The following MAGI2 variants were observed in gnomAD, a reference collection of about 807,000 sequenced individuals.
MAGI2 encodes membrane-associated guanylate kinase, WW and PDZ domain-containing protein 2.
Under a neutral mutation model 133.3 loss-of-function variants are expected in MAGI2, and 35 were observed. That is an observed-to-expected ratio of 0.26 (90% CI 0.20 to 0.35). The LOEUF (loss-of-function observed/expected upper bound fraction) is 0.35, where lower values mean the gene tolerates loss of function less well. Among genes scored for constraint, MAGI2 ranks in the 10% least tolerant of loss-of-function variants. The pLI, the probability that MAGI2 is intolerant of heterozygous loss-of-function variation, is 1.00. For synonymous variants in MAGI2, 729 were observed against 710.6 expected (o/e 1.03, Z -0.41); for missense variants, 1,636 against 1,863.4 (o/e 0.88, Z 2.25).
intron 10 of MAGI2, among the ~76,000 whole-genome samples, chr7:78,222,322 A>G (rs1788914498): frequency 6.6e-6 from 1 of 152,232 alleles, no homozygotes; most frequent in African/African-American, 2.4e-5. Flanking sequence ...CTAGCTTGCC[A>G]GCTTCATGAG....
intron 1 of MAGI2, among the ~76,000 whole-genome samples, chr7:79,434,213 T>C (rs1847984143): frequency 6.6e-6 from 1 of 152,100 alleles, no homozygotes; most frequent in African/African-American, 2.4e-5. Flanking sequence ...AGATCCATGG[T>C]AATGTCATCC....
At position 78,635,778 on chromosome 7, in the gene MAGI2, A is replaced by G. The variant is rs199639164; in HGVS notation, c.419-8539T>C. On this transcript the variant is annotated intron_variant, in intron 2 of 21. Transcript: ENST00000354212. The stretch of plus-strand genomic sequence containing the variant: ...CACAGTTACTCATCAGCAAGTAAGA[A>G]CACAATCATCAGATTTGTGTATGCT... 3.3e-5 allele frequency among the ~76,000 whole-genome samples: 5 copies of G among 152,320 alleles called. No individual in the cohort carries two copies. In the East Asian group the frequency reaches 9.6e-4, roughly 29 times the overall value.
At chr7:78,592,274 G>A (rs2150847226) in intron 3 of MAGI2, among the ~76,000 whole-genome samples, 1 of 152,124 alleles carries the variant, frequency 6.6e-6, no homozygotes, top group African/African-American at 2.4e-5. Flanking sequence ...TGATATTTCA[G>A]AGCGCCAGGA....
chr7:78,289,622 A>T (rs919689892), intron 9 of MAGI2, among the ~76,000 whole-genome samples: 3 of 152,150 alleles, frequency 2.0e-5, no homozygotes, highest in Admixed American at 2.0e-4. Flanking sequence ...ACTCCTCGAG[A>T]AGAGCAACCA....
chr7:79,423,760 T>A (rs1031827796), intron 1 of MAGI2, among the ~76,000 whole-genome samples: 1 of 152,090 alleles, frequency 6.6e-6, no homozygotes, highest in Admixed American at 6.6e-5. Flanking sequence ...GTCTGTCCTA[T>A]CTTTAGATTT....
At chr7:78,543,890 A>G (rs890334651) in intron 3 of MAGI2, among the ~76,000 whole-genome samples, 2 of 152,236 alleles carry the variant, frequency 1.3e-5, no homozygotes, top group Admixed American at 1.3e-4. Flanking sequence ...ACTAAGGTAG[A>G]TAATTATTCA....
At chr7:79,147,434 A>G (rs1822753573) in intron 1 of MAGI2, among the ~76,000 whole-genome samples, 1 of 152,170 alleles carries the variant, frequency 6.6e-6, no homozygotes, top group Non-Finnish European at 1.5e-5. Context: ...AAAAGAAGTA[A>G]GCAAGCTCTG....
Position 78,462,663 on chromosome 7 carries a change from A to G in MAGI2, c.1045+27098T>C, listed in dbSNP as rs188590422. ...AAAACCTTTTTCGCAAAATGTAATT[A>G]AAAATCCTTATCAGTTTGCATATTA... is the stretch of plus-strand genomic sequence containing the variant. On this transcript the variant is annotated intron_variant, in intron 6 of 21. Transcript: ENST00000354212. Among the ~76,000 whole-genome samples the G allele has an allele frequency of 4.6e-5, 7 of 152,354 alleles. No homozygotes were observed. The East Asian group carries it at 1.3e-3, about 29-fold the overall frequency.
intron 3 of MAGI2, among the ~76,000 whole-genome samples, chr7:78,607,441 G>T (rs1489384293): frequency 6.7e-6 from 1 of 149,270 alleles, no homozygotes; most frequent in Non-Finnish European, 1.5e-5. Context: ...GCTTAACAAA[G>T]TTCCCTTGTA....
At chr7:78,292,826 A>G (rs1459519140) in intron 9 of MAGI2, among the ~76,000 whole-genome samples, 1 of 152,218 alleles carries the variant, frequency 6.6e-6, no homozygotes, top group Non-Finnish European at 1.5e-5. Flanking sequence ...AAAAACAAGC[A>G]ATGGGGAAAG....
chr7:79,362,983 A>T (rs1276510420), intron 1 of MAGI2, among the ~76,000 whole-genome samples: 2 of 151,784 alleles, frequency 1.3e-5, no homozygotes, highest in African/African-American at 4.8e-5. Flanking sequence ...CAAAAGGCAT[A>T]GAGATTAGAT....
At chr7:78,358,162 C>CAAAAAAAAAA (rs1185043187) in intron 7 of MAGI2, 1 of 48,726 alleles carries the variant, frequency 2.1e-5, no homozygotes. Context: ...GACTTTGCCT[C>CAAAAAAAAAA]AAAAAAAAAA....
intron 2 of MAGI2, among the ~76,000 whole-genome samples, chr7:78,939,395 CG>C (rs991556460): frequency 2.0e-5 from 3 of 152,030 alleles, no homozygotes; most frequent in African/African-American, 7.2e-5. Context: ...CATAAAGAGA[CG>C]GGGCTGAATG....
At chr7:79,369,391 A>C (rs1253676453) in intron 1 of MAGI2, among the ~76,000 whole-genome samples, 33 of 152,326 alleles carry the variant, frequency 2.2e-4, no homozygotes, top group Non-Finnish European at 2.9e-5. Flanking sequence ...ACCAAGGAAC[A>C]TACATGATTC....
chr7:79,023,921 T>C (rs113453542), intron 1 of MAGI2, among the ~76,000 whole-genome samples: 11,637 of 152,162 alleles, frequency 0.076, 473 homozygotes, highest in African/African-American at 0.099. Flanking sequence ...CAAAGCAATT[T>C]ACAGATTTAA....
At chr7:79,339,064 C>T (rs1246798480) in intron 1 of MAGI2, among the ~76,000 whole-genome samples, 1 of 151,992 alleles carries the variant, frequency 6.6e-6, no homozygotes, top group African/African-American at 2.4e-5. Context: ...AAAATAAGTA[C>T]AAGGAGGAGC....
intron 3 of MAGI2, among the ~76,000 whole-genome samples, chr7:78,610,854 G>C (rs559871214): frequency 6.6e-6 from 1 of 152,234 alleles, no homozygotes; most frequent in East Asian, 1.9e-4. Context: ...ATCCCGTTTT[G>C]GAAAGGGAAA....
At chr7:78,395,521 G>A (rs1272393414) in intron 6 of MAGI2, among the ~76,000 whole-genome samples, 2 of 152,162 alleles carry the variant, frequency 1.3e-5, no homozygotes, top group African/African-American at 4.8e-5. Context: ...AGCAGGCTGA[G>A]GGGGTAGTCT....
Position 78,208,692 on chromosome 7 carries a change from A to AT in MAGI2, c.2048-7500dup, listed in dbSNP as rs34097630. On this transcript the variant is annotated intron_variant, in intron 10 of 21. Transcript: ENST00000354212. Reference sequence around the variant, plus strand: ...TTTTAAAAAATGGTGAATGTATAGCATTTTTTTTTTTTTTTGGGAAATCCA... The same window carrying AT: ...TTTTAAAAAATGGTGAATGTATAGCATTTTTTTTTTTTTTTTGGGAAATCCA... Among the ~76,000 whole-genome samples, 13 of 147,854 alleles carry AT rather than the reference A, an allele frequency of 8.8e-5. 1 individual carries two copies. Among genetic ancestry groups the AT allele is most frequent in the African/African-American group, 3.0e-4 (12 of 40,418 alleles).
Sources: allele counts gnomAD v4.1 joint callset (sites outside exome capture counted in the v4.1 genomes callset), GRCh38; gene constraint gnomAD v4.1.1; transcripts MANE v1.5; gene names NCBI Gene and HGNC (gene_info 2026-07-23, HGNC 2026-07-21).